The following PTPRT variants were observed in gnomAD, a reference collection of about 807,000 sequenced individuals.
PTPRT encodes the protein protein tyrosine phosphatase receptor type T, also known as receptor-type tyrosine-protein phosphatase T.
A neutral mutation model predicts 176.8 loss-of-function variants in PTPRT; 56 were observed. The observed-to-expected ratio is 0.32, with a 90% confidence interval of 0.26 to 0.40. The LOEUF is 0.40. PTPRT is among the 10% of genes least tolerant of loss of function. The pLI is 1.00. For missense variants in PTPRT, 1,540 were observed against 1,908.2 expected, an observed-to-expected ratio of 0.81 and a Z score of 3.60; for synonymous variants, 783 against 739.0, an observed-to-expected ratio of 1.06 and a Z score of -0.96.
At chr20:42,385,273 T>G (rs1285276994) in intron 9 of PTPRT, among the ~76,000 whole-genome samples, 10 of 152,124 alleles carry the variant, frequency 6.6e-5, no homozygotes, top group Non-Finnish European at 1.2e-4. Flanking sequence ...TTACTCAGCC[T>G]CAAAATAAAA....
At chr20:42,040,850 T>C in the PTPRT span, among the ~76,000 whole-genome samples, 1 of 152,178 alleles carries the variant, frequency 6.6e-6, no homozygotes, top group Admixed American at 6.5e-5. Flanking sequence ...CAGGGGGTGT[T>C]ATCTTGGCTG....
intron 6 of PTPRT, chr20:42,688,381 CTG>C (rs2075735168): frequency 6.6e-6 from 1 of 152,270 alleles, no homozygotes; most frequent in Non-Finnish European, 1.5e-5. Context: ...ATCAGCCCTG[CTG>C]TGCTCCTCCT....
At chr20:42,213,638 C>G (rs754058557) in intron 15 of PTPRT, among the ~76,000 whole-genome samples, 9 of 152,112 alleles carry the variant, frequency 5.9e-5, no homozygotes, top group Non-Finnish European at 1.2e-4. Flanking sequence ...GATGTCCTTA[C>G]AAGGAGAGGG....
In PTPRT at chr20:42,102,173, A is replaced by C; in HGVS notation, c.3665T>G (p.Ile1222Ser). The change falls in exon 26 of 31, where the codon ATC becomes AGC. Residue 1222 changes from isoleucine to serine, a missense_variant. By Grantham distance (142) the Ile-to-Ser change is moderately radical (BLOSUM62 -2). Coordinates refer to ENST00000373187, the MANE Select transcript of PTPRT (RefSeq NM_007050.6). ...ATTGCTGGATTCTCCGTCCACTGAG[A>C]TAAGGAAGGGCAGGCAGCGGTCCAG... ...LPLDRCLPFLISVDGESSNYI... is the reference protein window; with the variant it reads ...LPLDRCLPFLSSVDGESSNYI... The C allele has an allele frequency of 6.2e-7, 1 of 1,614,110 alleles. No homozygotes were observed. Among genetic ancestry groups the C allele is most frequent in the Non-Finnish European group, 8.5e-7 (1 of 1,179,988 alleles).
chr20:42,388,139 T>C (rs978788562), intron 9 of PTPRT, among the ~76,000 whole-genome samples: 1 of 152,148 alleles, frequency 6.6e-6, no homozygotes, highest in East Asian at 1.9e-4. Context: ...AAATAAAGAC[T>C]TACCCAGTCC....
chr20:42,942,573 C>T (rs951526700), intron 1 of PTPRT, among the ~76,000 whole-genome samples: 3 of 152,176 alleles, frequency 2.0e-5, no homozygotes, highest in African/African-American at 4.8e-5. Flanking sequence ...AGAGCAGAAG[C>T]TTTATCTCGT....
chr20:42,808,914 A>G (rs185175886), intron 2 of PTPRT, among the ~76,000 whole-genome samples: 3 of 152,304 alleles, frequency 2.0e-5, no homozygotes, highest in East Asian at 3.9e-4. Context: ...AGGGGCTCTC[A>G]GCTGCCGGAG....
chr20:42,917,281 G>A (rs1042715175), intron 1 of PTPRT, among the ~76,000 whole-genome samples: 26 of 152,204 alleles, frequency 1.7e-4, no homozygotes, highest in African/African-American at 6.0e-4. Context: ...TAGCTATGCG[G>A]CATTATTTCT....
intron 7 of PTPRT, among the ~76,000 whole-genome samples, chr20:42,591,975 CTTTTT>C (rs71335866): frequency 2.0e-5 from 2 of 102,376 alleles, no homozygotes; most frequent in Non-Finnish European, 3.8e-5. Flanking sequence ...GCTGGAGATT[CTTTTT>C]TTTTTTTTTT....
At chr20:42,654,973 A>G (rs1034000172) in intron 7 of PTPRT, among the ~76,000 whole-genome samples, 6 of 152,316 alleles carry the variant, frequency 3.9e-5, no homozygotes, top group Admixed American at 6.5e-5. Flanking sequence ...CCATTTAGTC[A>G]TCACGAGACC....
chr20:43,165,397 A>C (rs1432563638), intron 1 of PTPRT, among the ~76,000 whole-genome samples: 1 of 152,106 alleles, frequency 6.6e-6, no homozygotes, highest in Non-Finnish European at 1.5e-5. Context: ...TCCTGACCTC[A>C]GGTGATCCAC....
At chr20:42,881,071 G>A (rs1389765664) in intron 2 of PTPRT, among the ~76,000 whole-genome samples, 1 of 152,174 alleles carries the variant, frequency 6.6e-6, no homozygotes, top group East Asian at 1.9e-4. Flanking sequence ...AGAAGTGGGG[G>A]CAAGGTCTCA....
intron 22 of PTPRT, among the ~76,000 whole-genome samples, chr20:42,110,834 G>A (rs6130038): frequency 0.25 from 38,327 of 151,990 alleles, 4,821 homozygotes; most frequent in Non-Finnish European, 0.27. Flanking sequence ...GGTGTATTGA[G>A]TACGGATTTA....
chr20:42,040,805 G>T, the PTPRT span, among the ~76,000 whole-genome samples: 138 of 152,276 alleles, frequency 9.1e-4, 2 homozygotes, highest in African/African-American at 3.2e-3. Flanking sequence ...TGTCTCCTTT[G>T]CCTGGCAGAG....
chr20:42,120,387 A>G (rs1987526751), intron 19 of PTPRT, among the ~76,000 whole-genome samples: 1 of 152,228 alleles, frequency 6.6e-6, no homozygotes, highest in African/African-American at 2.4e-5. Flanking sequence ...CCAGAGAAGA[A>G]AAAGGAAGAA....
chr20:42,586,116 C>T (rs1391327106), intron 7 of PTPRT, among the ~76,000 whole-genome samples: 1 of 152,044 alleles, frequency 6.6e-6, no homozygotes, highest in Non-Finnish European at 1.5e-5. Context: ...GGATTACCAG[C>T]GATTCCCTAC....
intron 7 of PTPRT, among the ~76,000 whole-genome samples, chr20:42,610,411 G>A (rs2073956528): frequency 6.7e-6 from 1 of 150,110 alleles, no homozygotes; most frequent in Non-Finnish European, 1.5e-5. Context: ...TTTGAGATGG[G>A]GTCTCACTAT....
At chr20:43,128,441 C>T (rs1203072441) in intron 1 of PTPRT, among the ~76,000 whole-genome samples, 1 of 152,176 alleles carries the variant, frequency 6.6e-6, no homozygotes, top group Admixed American at 6.5e-5. Context: ...GACAAATAAG[C>T]AATTTGTTGC....
chr20:42,151,365 T>C (rs1462490799), intron 17 of PTPRT, among the ~76,000 whole-genome samples: 1 of 152,120 alleles, frequency 6.6e-6, no homozygotes, highest in African/African-American at 2.4e-5. Flanking sequence ...TGTGTCCTCA[T>C]TGTTCAACTC....
Sources: gnomAD v4.1 joint callset for allele counts (sites outside exome capture counted in the v4.1 genomes callset) on GRCh38, gnomAD v4.1.1 for gene constraint, MANE v1.5 for transcripts, NCBI Gene and HGNC (gene_info 2026-07-23, HGNC 2026-07-21) for gene names.